Variants in TOB1 observed in about 807,000 individuals in gnomAD.
The protein encoded by TOB1 is transducer of ERBB2, 1.
TOB1 carries 2 observed loss-of-function variants against 22.9 expected under a neutral mutation model. The observed-to-expected ratio is 0.09, with a 90% CI of 0.04 to 0.28. TOB1 has a LOEUF of 0.28. Among genes scored for constraint, TOB1 ranks in the 10% least tolerant of loss-of-function variants. TOB1 has a pLI of 1.00. For synonymous variants in TOB1, 154 were observed against 150.6 expected, an observed-to-expected ratio of 1.02 and a Z score of -0.17; for missense variants, 299 against 420.5, an observed-to-expected ratio of 0.71 and a Z score of 2.53.
At chr17:50,864,233 A>G (rs1972263717) in intron 1 of TOB1, 70 bp from the exon 2 acceptor site, 4 of 859,122 alleles carry the variant, frequency 4.7e-6, no homozygotes, top group Non-Finnish European at 6.2e-6. Flanking sequence ...CCCCCCTCCA[A>G]AGTAATTTCA....
chr17:50,863,329 T>A lies in TOB1; in HGVS notation c.689A>T (p.Tyr230Phe), dbSNP rs1345816352. The A allele has an allele frequency of 6.8e-6, 11 of 1,614,054 alleles. No homozygotes were observed. The highest frequency in any genetic ancestry group is 2.2e-5 in the East Asian group (1 of 44,906). ...KAISSSMHSL[Y>F]GLGLGSQQQP... ...CTGCTGGCTACCCAAGCCAAGCCCA[T>A]ACAGAGAGTGCATTGAGGAAGAGAT... is the stretch of plus-strand genomic sequence containing the variant. The change falls in exon 2 of 2, where the codon TAT becomes TTT. Residue 230 changes from tyrosine (Y) to phenylalanine (F), a missense_variant. By Grantham distance (22) the Tyr-to-Phe change is conservative. Coordinates refer to ENST00000499247, the MANE Select transcript of TOB1 (RefSeq NM_005749.4).
intron 1 of TOB1, among the ~76,000 whole-genome samples, chr17:50,864,399 T>C (rs1411711230): frequency 6.6e-6 from 1 of 152,228 alleles, no homozygotes; most frequent in Non-Finnish European, 1.5e-5. Flanking sequence ...CAGGAAAATG[T>C]AGATTTACAA....
rs1490978843 is a variant in TOB1 at position 50,863,262 on chromosome 17, T to TGGCGGTGGC, written c.747_755dup (p.Pro254_Pro256dup). The TGGCGGTGGC allele has an allele frequency of 2.0e-5, 33 of 1,612,794 alleles. No individual in the cohort carries two copies. The highest frequency in any genetic ancestry group is 2.8e-5 in the Non-Finnish European group (33 of 1,179,018). ...GTTGTTGCTGCTGTGGTGGTGGTGGTGGCGGTGGCGGCTGGGCTGGCTGCT... is the reference window on the plus strand; with the variant it reads ...GTTGTTGCTGCTGTGGTGGTGGTGGTGGCGGTGGCGGCGGTGGCGGCTGGGCTGGCTGCT... On this transcript the variant is annotated inframe_insertion, in exon 2 of 2. Coordinates refer to ENST00000499247, the MANE Select transcript of TOB1 (RefSeq NM_005749.4).
At chr17:50,864,346 T>G (rs1597990293) in intron 1 of TOB1, among the ~76,000 whole-genome samples, 183 bp from the exon 2 acceptor site, 1 of 152,186 alleles carries the variant, frequency 6.6e-6, no homozygotes, top group Non-Finnish European at 1.5e-5. Flanking sequence ...TAGCACAAAA[T>G]AAACATAAAA....
chr17:50,866,605 G>A (rs1597991612), upstream of TOB1: 1 of 152,368 alleles, frequency 6.6e-6, no homozygotes, highest in African/African-American at 2.4e-5. Context: ...CGCACCCTCC[G>A]GGCTCCAGGA....
At chr17:50,866,466 C>T (rs932930365), upstream of TOB1, 4 of 152,246 alleles carry the variant, frequency 2.6e-5, no homozygotes, top group African/African-American at 9.7e-5. Flanking sequence ...CGCAGCCATT[C>T]CCCGCGCTCC....
At chr17:50,864,938 C>T (rs1488494209) in intron 1 of TOB1, among the ~76,000 whole-genome samples, 1 of 152,182 alleles carries the variant, frequency 6.6e-6, no homozygotes, top group Non-Finnish European at 1.5e-5. Context: ...ATTGATTATT[C>T]TGTTTAAGGC....
At chr17:50,864,220 C>T in intron 1 of TOB1, 57 bp from the exon 2 acceptor site, 2 of 986,894 alleles carry the variant, frequency 2.0e-6, no homozygotes, top group Non-Finnish European at 2.7e-6. Context: ...GTCCCATGAC[C>T]TTCCCCCCTC....
chr17:50,865,769 C>T (rs1460159961), intron 1 of TOB1, among the ~76,000 whole-genome samples: 1 of 152,086 alleles, frequency 6.6e-6, no homozygotes, highest in Non-Finnish European at 1.5e-5. Flanking sequence ...CAGCGTTCCA[C>T]CGCGAGCTCG....
chr17:50,864,093 G>T lies in TOB1; in HGVS notation c.-76C>A. Reference sequence around the variant, plus strand: ...AAAAAAAAAAAGATGTTCAGTTTGTGGCAGAGAAACAAATTTTCATTCAAA... The same window carrying T: ...AAAAAAAAAAAGATGTTCAGTTTGTTGCAGAGAAACAAATTTTCATTCAAA... On this transcript the variant is annotated 5_prime_UTR_variant, in exon 2 of 2. Coordinates refer to ENST00000499247, the MANE Select transcript of TOB1 (RefSeq NM_005749.4). 2.8e-6 allele frequency: 3 copies of T among 1,089,758 alleles called. No homozygotes were observed. The highest frequency in any genetic ancestry group is 3.4e-5 in the South Asian group (2 of 59,358). 67.5% of individuals were successfully genotyped at this position (1,089,758 alleles called of 1,614,324 possible).
At position 50,864,037 on chromosome 17, in the gene TOB1, T is replaced by G; in HGVS notation, c.-20A>C. 8.6e-7 allele frequency: 1 copy of G among 1,158,410 alleles called. No homozygotes were observed. Among genetic ancestry groups the G allele is most frequent in the Non-Finnish European group, 1.1e-6 (1 of 900,126 alleles). 71.8% of individuals were successfully genotyped at this position (1,158,410 alleles called of 1,614,324 possible). On this transcript the variant is annotated 5_prime_UTR_variant, in exon 2 of 2. Coordinates refer to ENST00000499247, the MANE Select transcript of TOB1 (RefSeq NM_005749.4). ...CTGCATAGCTGCTACGCCACAAAAT[T>G]AGGTTTCAACTCCCCCACCAAAAAA...
upstream of TOB1, chr17:50,867,824 G>A (rs1237284386): frequency 1.3e-5 from 2 of 152,250 alleles, no homozygotes; most frequent in Admixed American, 6.5e-5. Flanking sequence ...GGGTGTCTAC[G>A]GGGCGGGCCC....
rs370290345 is a variant in TOB1, at chr17:50,862,971, T to C, written c.*9A>G. ...TGCATTTTAACTTGTACGATACATTTTCTTTTTTTTAGTTAGCCATAACAG... is the reference window on the plus strand; with the variant it reads ...TGCATTTTAACTTGTACGATACATTCTCTTTTTTTTAGTTAGCCATAACAG... On this transcript the variant is annotated 3_prime_UTR_variant, in exon 2 of 2. Coordinates refer to ENST00000499247, the MANE Select transcript of TOB1 (RefSeq NM_005749.4). 5.1e-5 allele frequency: 82 copies of C among 1,594,202 alleles called. No homozygotes were observed. The East Asian group carries it at 8.7e-4, about 17-fold the overall frequency.
chr17:50,866,367 G>GC (rs1567916103), upstream of TOB1: 1 of 152,198 alleles, frequency 6.6e-6, no homozygotes, highest in East Asian at 1.9e-4. Context: ...CGCGGCGCGC[G>GC]CCCCGCCTCT....
At chr17:50,866,624 G>T (rs1032042725), upstream of TOB1, 1 of 152,392 alleles carries the variant, frequency 6.6e-6, no homozygotes, top group African/African-American at 2.4e-5. Context: ...GAGGGCCAAT[G>T]AACCGACGAT....
upstream of TOB1, chr17:50,867,538 G>A (rs1972331431): frequency 6.6e-6 from 1 of 152,220 alleles, no homozygotes; most frequent in African/African-American, 2.4e-5. Flanking sequence ...CCTTCGCAAC[G>A]AGGCGATTGG....
In TOB1 at chr17:50,863,436, AT is replaced by A. The variant is rs1567914536; in HGVS notation, c.581del (p.Asn194IlefsTer18). ...ATKFGSTKMK[N>X]SGRSNKVART... is the part of the protein sequence containing the mutation. ...GTGCAACCTTGTTGCTACGGCCACT[AT>A]TCTTCATTTTGGTAGAGCCGAACTT... On this transcript the variant is annotated frameshift_variant, in exon 2 of 2. Transcript: ENST00000499247. LOFTEE classifies it high-confidence loss of function. The A allele has an allele frequency of 6.2e-7, 1 of 1,614,194 alleles. No individual in the cohort carries two copies. Among genetic ancestry groups the A allele is most frequent in the Admixed American group, 1.7e-5 (1 of 60,022 alleles).
In TOB1 at chr17:50,864,137, T is replaced by C; in HGVS notation, c.-120A>G. The C allele has an allele frequency of 7.1e-7, 1 of 1,413,656 alleles. No individual in the cohort carries two copies. The highest frequency in any genetic ancestry group is 1.6e-5 in the South Asian group (1 of 61,608). 87.6% of individuals were successfully genotyped at this position (1,413,656 alleles called of 1,614,324 possible). ...ATTCAAAGTGCTGGTATTAGTAGATTATCCTTCACCTTGAGTGATCTTGTT... is the reference window on the plus strand; with the variant it reads ...ATTCAAAGTGCTGGTATTAGTAGATCATCCTTCACCTTGAGTGATCTTGTT... On this transcript the variant is annotated 5_prime_UTR_variant, in exon 2 of 2. The change creates a new upstream start codon in the 5' untranslated region. Transcript: ENST00000499247.
In TOB1 at chr17:50,862,499, T is replaced by C. The variant is rs574462025; in HGVS notation, c.*481A>G. The C allele has an allele frequency of 6.3e-4, 97 of 152,884 alleles. 1 individual carries two copies. The highest frequency in any genetic ancestry group is 1.8e-3 in the Admixed American group (27 of 15,306). 9.5% of individuals were successfully genotyped at this position (152,884 alleles called of 1,614,324 possible). Reference sequence around the variant, plus strand: ...ATCCTGTACACAATTTTTAGAATAGTTGATGTCTTTAAGATGGATATTTTA... The same window carrying C: ...ATCCTGTACACAATTTTTAGAATAGCTGATGTCTTTAAGATGGATATTTTA... On this transcript the variant is annotated 3_prime_UTR_variant, in exon 2 of 2. Coordinates refer to ENST00000499247, the MANE Select transcript of TOB1 (RefSeq NM_005749.4).
Sources: gnomAD v4.1 joint callset for allele counts (sites outside exome capture counted in the v4.1 genomes callset) on GRCh38, gnomAD v4.1.1 for gene constraint, MANE v1.5 for transcripts, NCBI Gene and HGNC (gene_info 2026-07-23, HGNC 2026-07-21) for gene names.